FOXN3: variants seen among roughly 807,000 people sequenced by gnomAD.
FOXN3 encodes forkhead box protein N3.
A neutral mutation model predicts 38.4 loss-of-function variants in FOXN3; 7 were observed. The ratio of observed to expected loss-of-function variants is 0.18; its 90% confidence interval spans 0.10 to 0.34. FOXN3 has a LOEUF of 0.34. FOXN3 is among the 10% of genes least tolerant of loss of function. FOXN3 has a pLI of 1.00. For missense variants in FOXN3, 456 were observed against 613.4 expected (o/e 0.74, Z 2.71); for synonymous variants, 230 against 242.2 (o/e 0.95, Z 0.47).
At chr14:89,474,417 G>A (rs980861837) in intron 1 of FOXN3, among the ~76,000 whole-genome samples, 1 of 152,206 alleles carries the variant, frequency 6.6e-6, no homozygotes, top group Non-Finnish European at 1.5e-5. Context: ...CCGAGGGCCA[G>A]TCTGTAAGTA....
chr14:89,464,571 C>T (rs1892929668), intron 1 of FOXN3, among the ~76,000 whole-genome samples: 1 of 152,128 alleles, frequency 6.6e-6, no homozygotes, highest in African/African-American at 2.4e-5. Context: ...TATGGTTTGG[C>T]TGTGTCCCCA....
intron 1 of FOXN3, among the ~76,000 whole-genome samples, chr14:89,575,701 A>T (rs903621039): frequency 2.0e-5 from 3 of 152,202 alleles, no homozygotes; most frequent in Non-Finnish European, 1.5e-5. Context: ...ATCAAAATTC[A>T]ACTTAGCTCC....
chr14:89,540,685 C>G (rs1894775755), intron 1 of FOXN3, among the ~76,000 whole-genome samples: 1 of 150,810 alleles, frequency 6.6e-6, no homozygotes, highest in Non-Finnish European at 1.5e-5. Context: ...CTGTAGTGAG[C>G]CGAGATTGCA....
rs539760685 is a variant in FOXN3 at position 89,329,573 on chromosome 14, C to G, written c.680+21099G>C. Reference sequence around the variant, plus strand: ...CTCTCACAATAAACAATTCTCTGGCCCCTGCCGGACGCGGTGGCTCAAGCC... The same window carrying G: ...CTCTCACAATAAACAATTCTCTGGCGCCTGCCGGACGCGGTGGCTCAAGCC... On this transcript the variant is annotated intron_variant, in intron 3 of 5. Coordinates refer to ENST00000557258, the MANE Select transcript of FOXN3 (RefSeq NM_005197.4). 1.5e-3 allele frequency among the ~76,000 whole-genome samples: 221 copies of G among 152,154 alleles called. 1 individual carries two copies. Among genetic ancestry groups the G allele is most frequent in the Admixed American group, 3.7e-3 (57 of 15,278 alleles).
chr14:89,353,126 G>A (rs185399934), intron 2 of FOXN3, among the ~76,000 whole-genome samples: 3 of 152,356 alleles, frequency 2.0e-5, no homozygotes, highest in Admixed American at 6.5e-5. Context: ...GTGATCTGGA[G>A]CCACACAGAC....
At chr14:89,271,045 G>GCACACA (rs142275431) in intron 4 of FOXN3, among the ~76,000 whole-genome samples, 1 of 150,832 alleles carries the variant, frequency 6.6e-6, no homozygotes, top group Non-Finnish European at 1.5e-5. Flanking sequence ...GCACATACCT[G>GCACACA]CACACACACA....
chr14:89,281,278 T>C (rs554328143), intron 3 of FOXN3, among the ~76,000 whole-genome samples: 1 of 152,312 alleles, frequency 6.6e-6, no homozygotes, highest in South Asian at 2.1e-4. Flanking sequence ...ATACACAAAA[T>C]GGCAAATTCA....
At chr14:89,297,482 A>C (rs138874184) in intron 3 of FOXN3, among the ~76,000 whole-genome samples, 8,749 of 151,208 alleles carry the variant, frequency 0.058, 383 homozygotes, top group Non-Finnish European at 0.081. Flanking sequence ...ATGGCGTGAA[A>C]CTGGGAGGCG....
intron 4 of FOXN3, among the ~76,000 whole-genome samples, chr14:89,250,425 A>C (rs56005176): frequency 0.042 from 6,330 of 152,308 alleles, 281 homozygotes; most frequent in African/African-American, 0.11. Flanking sequence ...TTTGTTTTCT[A>C]AAGTGGAGCA....
At chr14:89,553,681 C>G (rs900345757) in intron 1 of FOXN3, among the ~76,000 whole-genome samples, 4 of 152,074 alleles carry the variant, frequency 2.6e-5, no homozygotes, top group Non-Finnish European at 4.4e-5. Context: ...CATCGCTCAT[C>G]CGGAAGTCAG....
chr14:89,354,732 G>A (rs1176224715), intron 2 of FOXN3, among the ~76,000 whole-genome samples: 1 of 151,476 alleles, frequency 6.6e-6, no homozygotes. Flanking sequence ...GTGGGTGCCT[G>A]TAATCCCAGC....
At chr14:89,323,152 G>GT (rs1201430463) in intron 3 of FOXN3, among the ~76,000 whole-genome samples, 3 of 152,004 alleles carry the variant, frequency 2.0e-5, no homozygotes, top group Non-Finnish European at 4.4e-5. Flanking sequence ...GCCAGGCGTG[G>GT]TGGCAGGCAA....
chr14:89,556,372 T>C (rs551125674), intron 1 of FOXN3, among the ~76,000 whole-genome samples: 6 of 146,128 alleles, frequency 4.1e-5, no homozygotes, highest in South Asian at 2.2e-4. Flanking sequence ...CATTGCACTC[T>C]AGCCTGGGCA....
intron 1 of FOXN3, among the ~76,000 whole-genome samples, chr14:89,450,790 T>C (rs1314010888): frequency 6.6e-6 from 1 of 152,172 alleles, no homozygotes; most frequent in Non-Finnish European, 1.5e-5. Context: ...TTTCACCATG[T>C]TAGTCAGGAT....
chr14:89,324,439 T>TGC (rs1555417982), intron 3 of FOXN3, among the ~76,000 whole-genome samples: 3 of 110,306 alleles, frequency 2.7e-5, no homozygotes, highest in African/African-American at 7.4e-5. Context: ...CAGCTAAGTG[T>TGC]GTGCGTGTGT....
At chr14:89,427,030 G>A (rs888673390) in intron 1 of FOXN3, among the ~76,000 whole-genome samples, 3 of 151,898 alleles carry the variant, frequency 2.0e-5, no homozygotes, top group Admixed American at 6.6e-5. Flanking sequence ...TCAGGAGTTC[G>A]AGACCAGCCT....
chr14:89,211,469 C>T (rs1285707152), intron 4 of FOXN3, among the ~76,000 whole-genome samples: 1 of 152,190 alleles, frequency 6.6e-6, no homozygotes, highest in Non-Finnish European at 1.5e-5. Flanking sequence ...ACCACCCAAA[C>T]AAAAGCAGTT....
chr14:89,569,186 C>A (rs1030626742), intron 1 of FOXN3, among the ~76,000 whole-genome samples: 1 of 151,416 alleles, frequency 6.6e-6, no homozygotes, highest in African/African-American at 2.4e-5. Context: ...GCCTGGGGGA[C>A]AGAGCGAGAC....
At chr14:89,222,665 A>C (rs1025472361) in intron 4 of FOXN3, among the ~76,000 whole-genome samples, 5 of 152,134 alleles carry the variant, frequency 3.3e-5, no homozygotes, top group Admixed American at 3.3e-4. Flanking sequence ...GCAAGCCGGG[A>C]AGGCAGCCCC....
Sources: gnomAD v4.1 joint callset for allele counts (sites outside exome capture counted in the v4.1 genomes callset) on GRCh38, gnomAD v4.1.1 for gene constraint, MANE v1.5 for transcripts, NCBI Gene and HGNC (gene_info 2026-07-23, HGNC 2026-07-21) for gene names.